Variants in KCTD16 observed in about 807,000 individuals in gnomAD.
KCTD16 encodes potassium channel tetramerization domain containing 16.
A neutral mutation model predicts 33.2 loss-of-function variants in KCTD16; 13 were observed. The observed-to-expected ratio is 0.39, with a 90% CI of 0.25 to 0.62. KCTD16 has a LOEUF of 0.62. KCTD16 is among the 20% of genes least tolerant of loss of function. The pLI is 0.50. For synonymous variants in KCTD16, 197 were observed against 195.3 expected (o/e 1.01, Z -0.07); for missense variants, 441 against 525.1 (o/e 0.84, Z 1.57).
At chr5:144,270,234 G>C (rs1028436134) in intron 3 of KCTD16, among the ~76,000 whole-genome samples, 7 of 151,984 alleles carry the variant, frequency 4.6e-5, no homozygotes, top group East Asian at 3.8e-4. Context: ...AACAGCATAT[G>C]TATTCTTCTC....
Position 144,175,244 on chromosome 5 carries a change from T to G in KCTD16, c.-327+772T>G, listed in dbSNP as rs138837496. On this transcript the variant is annotated intron_variant, in intron 2 of 3. Transcript: ENST00000512467. The stretch of plus-strand genomic sequence containing the variant: ...AATGCCCATTTGACACATGAGGAAA[T>G]TGAAACAGAGTAAGTAATTTGTTAA... 4.5e-4 allele frequency among the ~76,000 whole-genome samples: 68 copies of G among 152,316 alleles called. 1 individual carries two copies. Among genetic ancestry groups the G allele is most frequent in the African/African-American group, 1.6e-3 (65 of 41,572 alleles).
chr5:144,358,708 A>G (rs571285575), intron 3 of KCTD16, among the ~76,000 whole-genome samples: 1 of 152,322 alleles, frequency 6.6e-6, no homozygotes, highest in African/African-American at 2.4e-5. Flanking sequence ...TGGGAAGTCC[A>G]AGATCAAGGT....
chr5:144,189,543 A>G (rs909411905), intron 2 of KCTD16, among the ~76,000 whole-genome samples: 2 of 152,128 alleles, frequency 1.3e-5, no homozygotes, highest in Non-Finnish European at 2.9e-5. Context: ...GAGCAGGTAC[A>G]TAGAGTTTTG....
At chr5:144,343,536 G>A (rs541827665) in intron 3 of KCTD16, among the ~76,000 whole-genome samples, 253 of 151,952 alleles carry the variant, frequency 1.7e-3, no homozygotes, top group African/African-American at 5.9e-3. Flanking sequence ...ACCAGCTCCT[G>A]GATTCATTAA....
At chr5:144,312,267 C>A (rs865914678) in intron 3 of KCTD16, among the ~76,000 whole-genome samples, 1 of 152,194 alleles carries the variant, frequency 6.6e-6, no homozygotes, top group South Asian at 2.1e-4. Flanking sequence ...GGCACACAGA[C>A]CGTGCAGGAC....
At chr5:144,457,180 A>T (rs79593996) in intron 3 of KCTD16, among the ~76,000 whole-genome samples, 2 of 152,252 alleles carry the variant, frequency 1.3e-5, no homozygotes, top group Admixed American at 1.3e-4. Flanking sequence ...GCTCCCTCCA[A>T]TGACTCGGGC....
chr5:144,351,996 G>A (rs1352900488), intron 3 of KCTD16, among the ~76,000 whole-genome samples: 1 of 152,082 alleles, frequency 6.6e-6, no homozygotes, highest in Non-Finnish European at 1.5e-5. Context: ...ACAACATATT[G>A]TATATAGAAA....
chr5:144,465,932 G>A (rs1008639203), intron 3 of KCTD16, among the ~76,000 whole-genome samples: 2 of 151,866 alleles, frequency 1.3e-5, no homozygotes, highest in Non-Finnish European at 2.9e-5. Flanking sequence ...TCCGCCTCCC[G>A]GGTTCAAGTG....
intron 3 of KCTD16, among the ~76,000 whole-genome samples, chr5:144,465,606 T>C (rs1315959263): frequency 1.3e-5 from 2 of 151,858 alleles, no homozygotes; most frequent in Admixed American, 6.6e-5. Context: ...ATGAGCATCC[T>C]GATTGGCCTT....
intron 3 of KCTD16, among the ~76,000 whole-genome samples, chr5:144,260,674 G>T (rs1455592530): frequency 1.3e-5 from 2 of 152,114 alleles, no homozygotes; most frequent in Non-Finnish European, 2.9e-5. Flanking sequence ...TGAGATTTAT[G>T]GTCATTTGGG....
intron 3 of KCTD16, among the ~76,000 whole-genome samples, chr5:144,346,630 C>T (rs1347776782): frequency 2.6e-5 from 4 of 152,154 alleles, no homozygotes; most frequent in Non-Finnish European, 4.4e-5. Flanking sequence ...AGCACCTTTT[C>T]ATATGTCTGC....
intron 3 of KCTD16, among the ~76,000 whole-genome samples, chr5:144,456,043 C>A (rs1754053391): frequency 6.6e-6 from 1 of 152,128 alleles, no homozygotes; most frequent in African/African-American, 2.4e-5. Context: ...CTTGCATGAT[C>A]TTCTACTTGT....
intron 2 of KCTD16, among the ~76,000 whole-genome samples, chr5:144,195,112 C>G (rs1752917171): frequency 6.6e-6 from 1 of 152,144 alleles, no homozygotes. Context: ...CCCTGTGTAT[C>G]TGAAATAGAA....
At chr5:144,232,793 G>A (rs1486270804) in intron 3 of KCTD16, among the ~76,000 whole-genome samples, 1 of 152,066 alleles carries the variant, frequency 6.6e-6, no homozygotes, top group Admixed American at 6.6e-5. Flanking sequence ...AACCCACCGT[G>A]TCAAAAATAT....
At chr5:144,285,724 A>T (rs916895156) in intron 3 of KCTD16, among the ~76,000 whole-genome samples, 1 of 152,122 alleles carries the variant, frequency 6.6e-6, no homozygotes, top group Non-Finnish European at 1.5e-5. Context: ...TACATTCTAC[A>T]TTGCTGTCTG....
intron 3 of KCTD16, among the ~76,000 whole-genome samples, chr5:144,464,941 G>T (rs1490048205): frequency 2.0e-5 from 3 of 152,114 alleles, no homozygotes; most frequent in Admixed American, 6.5e-5. Context: ...TAAAAAGAAA[G>T]TCTTTTAGAT....
intron 3 of KCTD16, among the ~76,000 whole-genome samples, chr5:144,285,451 G>A (rs1462724054): frequency 6.6e-6 from 1 of 152,110 alleles, no homozygotes. Context: ...TTCTCTGCCA[G>A]TTCCTTCTGT....
chr5:144,432,353 A>G (rs1332257397), intron 3 of KCTD16, among the ~76,000 whole-genome samples: 1 of 152,128 alleles, frequency 6.6e-6, no homozygotes, highest in African/African-American at 2.4e-5. Context: ...CCTTTAAGAA[A>G]CAATTATTAT....
intron 3 of KCTD16, among the ~76,000 whole-genome samples, chr5:144,233,245 G>T (rs1353434952): frequency 6.6e-6 from 1 of 152,032 alleles, no homozygotes; most frequent in East Asian, 1.9e-4. Context: ...AACTTTTTCT[G>T]GTTGTTGTTA....
Sources: allele counts gnomAD v4.1 joint callset (sites outside exome capture counted in the v4.1 genomes callset), GRCh38; gene constraint gnomAD v4.1.1; transcripts MANE v1.5; gene names NCBI Gene and HGNC (gene_info 2026-07-23, HGNC 2026-07-21).